The following PPP1R3A variants were observed in gnomAD, a reference collection of about 807,000 sequenced individuals.
PPP1R3A encodes RG1.
PPP1R3A carries 29 observed loss-of-function variants against 41.7 expected under a neutral mutation model. That is an observed-to-expected ratio of 0.70 (90% confidence interval 0.52 to 0.95). The LOEUF (loss-of-function observed/expected upper bound fraction) is 0.95, where lower values mean the gene tolerates loss of function less well. PPP1R3A is among the 40% of genes least tolerant of loss of function. The pLI is 0.00. For missense variants in PPP1R3A, 1,352 were observed against 1,292.4 expected (o/e 1.05, Z -0.71); for synonymous variants, 485 against 453.4 (o/e 1.07, Z -0.89).
chr7:113,910,795 T>C (rs1797232234), intron 1 of PPP1R3A, among the ~76,000 whole-genome samples: 1 of 152,120 alleles, frequency 6.6e-6, no homozygotes, highest in South Asian at 2.1e-4. Flanking sequence ...GTACCATGGC[T>C]TAATTCTCTA....
chr7:113,882,966 AT>A (rs2129114350), intron 1 of PPP1R3A, among the ~76,000 whole-genome samples: 1 of 152,172 alleles, frequency 6.6e-6, no homozygotes, highest in Admixed American at 6.6e-5. Flanking sequence ...TGGATCATTT[AT>A]ATGCAAGCAT....
Position 113,878,504 on chromosome 7 carries a change from T to C in PPP1R3A, c.2588A>G (p.Asp863Gly). The change falls in exon 4 of 4, where the codon GAT (aspartate) becomes GGT (glycine). Residue 863 changes from aspartate to glycine, a missense_variant. Physicochemically the swap from Asp to Gly is moderately conservative, Grantham distance 94 (BLOSUM62 -1). Transcript: ENST00000284601. ...TGTTGGTAACATTCCCAACTGTAAA[T>C]CCAGTTTTGAAGTTGCTTTTTGATA... ...TEYQKATSKL[D>G]LQLGMLPTDK... 1 of 1,613,382 alleles carries C rather than the reference T, an allele frequency of 6.2e-7. No individual in the cohort carries two copies. Among genetic ancestry groups the C allele is most frequent in the Non-Finnish European group, 8.5e-7 (1 of 1,179,668 alleles).
At position 113,877,603 on chromosome 7, in the gene PPP1R3A, T is replaced by C; in HGVS notation, c.*120A>G. ...GAGCAAACTTATTCGCGTCCCTTTT[T>C]AAATGATCCTTCAAGAGAAAAACTG... On this transcript the variant is annotated 3_prime_UTR_variant, in exon 4 of 4. Coordinates refer to ENST00000284601, the MANE Select transcript of PPP1R3A (RefSeq NM_002711.4). The C allele has an allele frequency of 8.2e-7, 1 of 1,221,110 alleles. No individual in the cohort carries two copies. The highest frequency in any genetic ancestry group is 1.1e-6 in the Non-Finnish European group (1 of 883,982). 75.6% of individuals were successfully genotyped at this position (1,221,110 alleles called of 1,614,324 possible).
intron 1 of PPP1R3A, among the ~76,000 whole-genome samples, chr7:113,893,527 A>G (rs2129116902): frequency 6.6e-6 from 1 of 152,144 alleles, no homozygotes; most frequent in East Asian, 1.9e-4. Flanking sequence ...AAACATTACC[A>G]GTATCTATAA....
At chr7:113,885,152 C>T (rs551132425) in intron 1 of PPP1R3A, among the ~76,000 whole-genome samples, 268 of 152,228 alleles carry the variant, frequency 1.8e-3, no homozygotes, top group African/African-American at 6.3e-3. Flanking sequence ...CTCCCAGGTT[C>T]CTGTGCCTCA....
rs150940067 is a variant in PPP1R3A at position 113,906,585 on chromosome 7, T to C, written c.782+11630A>G. 2.8e-3 allele frequency among the ~76,000 whole-genome samples: 423 copies of C among 151,852 alleles called. 2 individuals are homozygous for C. The highest frequency in any genetic ancestry group is 9.7e-3 in the African/African-American group (404 of 41,512). On this transcript the variant is annotated intron_variant, in intron 1 of 3. Transcript: ENST00000284601. ...ACTTGGAGATCCAGATGGAGATGTA[T>C]AGGGAGCATCTGATTTTTAAAAATC...
intron 1 of PPP1R3A, among the ~76,000 whole-genome samples, chr7:113,916,394 A>G (rs1035648651): frequency 1.3e-5 from 2 of 152,060 alleles, no homozygotes; most frequent in African/African-American, 4.8e-5. Context: ...ACATATCTTC[A>G]ACTAGGAGAA....
chr7:113,904,196 T>C (rs1307236392), intron 1 of PPP1R3A, among the ~76,000 whole-genome samples: 1 of 151,736 alleles, frequency 6.6e-6, no homozygotes, highest in Non-Finnish European at 1.5e-5. Flanking sequence ...CTGTAAATTC[T>C]TTATGAATAA....
intron 1 of PPP1R3A, among the ~76,000 whole-genome samples, chr7:113,909,121 C>T (rs139138443): frequency 0.014 from 2,147 of 151,838 alleles, 41 homozygotes; most frequent in African/African-American, 0.045. Flanking sequence ...ACATGGACCC[C>T]TTGAATCTAA....
At chr7:113,896,546 C>G (rs2129117485) in intron 1 of PPP1R3A, among the ~76,000 whole-genome samples, 1 of 151,798 alleles carries the variant, frequency 6.6e-6, no homozygotes, top group Non-Finnish European at 1.5e-5. Flanking sequence ...GAAGAAAGCA[C>G]TTGTTTTTAA....
Position 113,877,554 on chromosome 7 carries a change from T to G in PPP1R3A, c.*169A>C, listed in dbSNP as rs1796587500. 1.3e-5 allele frequency: 9 copies of G among 682,740 alleles called. No homozygotes were observed. Among genetic ancestry groups the G allele is most frequent in the Non-Finnish European group, 2.1e-5 (9 of 419,258 alleles). 42.3% of individuals were successfully genotyped at this position (682,740 alleles called of 1,614,324 possible). ...TAATGATCCAAACATAATGGTCCTA[T>G]ATAGAATAATTACTTATATGAAGGA... is the stretch of plus-strand genomic sequence containing the variant. On this transcript the variant is annotated 3_prime_UTR_variant, in exon 4 of 4. Transcript: ENST00000284601.
intron 1 of PPP1R3A, among the ~76,000 whole-genome samples, chr7:113,914,064 A>G (rs1797298734): frequency 6.6e-6 from 1 of 152,158 alleles, no homozygotes; most frequent in African/African-American, 2.4e-5. Flanking sequence ...CCTATGATGT[A>G]TGGAGAAATA....
Position 113,879,684 on chromosome 7 carries a change from G to GT in PPP1R3A, c.1407dup (p.His470ThrfsTer2), listed in dbSNP as rs770029712. 6.2e-6 allele frequency: 10 copies of GT among 1,612,940 alleles called. No homozygotes were observed. In the East Asian group the frequency reaches 8.9e-5, roughly 14 times the overall value. On this transcript the variant is annotated frameshift_variant, in exon 4 of 4. Coordinates refer to ENST00000284601, the MANE Select transcript of PPP1R3A (RefSeq NM_002711.4). LOFTEE classifies it low-confidence loss of function (END_TRUNC). ...TCAATATTTTTAGCTCCTCCTTCAT[G>GT]TTTTTTATTAAGGTTTCCTGCCATT...
rs1800000 is a variant in PPP1R3A, at chr7:113,878,443, C to A, written c.2649G>T (p.Arg883Ser). The change falls in exon 4 of 4, where the codon AGG becomes AGT. Residue 883 changes from arginine (R) to serine (S), a missense_variant. Coordinates refer to ENST00000284601, the MANE Select transcript of PPP1R3A (RefSeq NM_002711.4). ...TTTTCTTTGATAATTCTTGAACCTGCCTAAGATCTCTGTTTTCTGAAAATA... is the reference window on the plus strand; with the variant it reads ...TTTTCTTTGATAATTCTTGAACCTGACTAAGATCTCTGTTTTCTGAAAATA... ...KTVFSENRDL[R>S]QVQELSKKTD... 0.012 allele frequency: 19,759 copies of A among 1,612,206 alleles called. 825 individuals are homozygous for A. The East Asian group carries it at 0.13, about 11-fold the overall frequency.
In PPP1R3A at chr7:113,879,620, G is replaced by A; in HGVS notation, c.1472C>T (p.Ser491Leu). The A allele has an allele frequency of 6.2e-7, 1 of 1,613,240 alleles. No homozygotes were observed. Among genetic ancestry groups the A allele is most frequent in the Non-Finnish European group, 8.5e-7 (1 of 1,179,656 alleles). ...DLGCLRRDFH[S>L]DTSACLKEST... ...TTCTTTGAGACATGCCGACGTATCT[G>A]AATGGAAATCTCTTCGTAAACATCC... Residue 491 changes from serine to leucine, a missense_variant, in exon 4 of 4, where the codon TCA becomes TTA. Physicochemically the swap from Ser to Leu is moderately radical, Grantham distance 145. Coordinates refer to ENST00000284601, the MANE Select transcript of PPP1R3A (RefSeq NM_002711.4).
rs77971920 is a variant in PPP1R3A at position 113,896,222 on chromosome 7, C to A, written c.783-13902G>T. Among the ~76,000 whole-genome samples the A allele has an allele frequency of 5.8e-3, 887 of 151,964 alleles. 6 individuals are homozygous for A. Among genetic ancestry groups the A allele is most frequent in the Non-Finnish European group, 7.7e-3 (521 of 67,892 alleles). ...TGTGTTACACATTTTCTTTGTCAAC[C>A]CCTCACCCACACCTTTTGTGAACTA... On this transcript the variant is annotated intron_variant, in intron 1 of 3. Coordinates refer to ENST00000284601, the MANE Select transcript of PPP1R3A (RefSeq NM_002711.4).
In PPP1R3A at chr7:113,878,625, T is replaced by C. The variant is rs775092377; in HGVS notation, c.2467A>G (p.Met823Val). 29 of 1,613,454 alleles carry C rather than the reference T, an allele frequency of 1.8e-5. No individual in the cohort carries two copies. The highest frequency in any genetic ancestry group is 1.6e-4 in the Middle Eastern group (1 of 6,062). Residue 823 changes from methionine (M) to valine (V), a missense_variant, in exon 4 of 4, where the codon ATG becomes GTG. Coordinates refer to ENST00000284601, the MANE Select transcript of PPP1R3A (RefSeq NM_002711.4). ...RVDEMEKEET[M>V]SMYNPRKTHD... Reference sequence around the variant, plus strand: ...GTCTTCCTAGGATTGTACATAGACATGGTTTCTTCCTTCTCCATTTCATCT... The same window carrying C: ...GTCTTCCTAGGATTGTACATAGACACGGTTTCTTCCTTCTCCATTTCATCT...
intron 1 of PPP1R3A, among the ~76,000 whole-genome samples, chr7:113,899,436 G>A (rs2129118059): frequency 6.6e-6 from 1 of 151,738 alleles, no homozygotes. Context: ...AATATATAAA[G>A]CTTATCCTTT....
At chr7:113,900,402 G>A (rs1302706140) in intron 1 of PPP1R3A, among the ~76,000 whole-genome samples, 3 of 151,588 alleles carry the variant, frequency 2.0e-5, no homozygotes, top group Admixed American at 1.3e-4. Flanking sequence ...AGTTTATTAT[G>A]TGTAAGAGAA....
Sources: gnomAD v4.1 joint callset for allele counts (sites outside exome capture counted in the v4.1 genomes callset) on GRCh38, gnomAD v4.1.1 for gene constraint, MANE v1.5 for transcripts, NCBI Gene and HGNC (gene_info 2026-07-23, HGNC 2026-07-21) for gene names.